The following GULP1 variants were observed in gnomAD, a reference collection of about 807,000 sequenced individuals.
GULP1 encodes the protein GULP PTB domain containing engulfment adaptor 1.
GULP1 carries 19 observed loss-of-function variants against 40.9 expected under a neutral mutation model. That is an observed-to-expected ratio of 0.46 (90% CI 0.32 to 0.68). The LOEUF is 0.68. Among genes scored for constraint, GULP1 ranks in the 30% least tolerant of loss-of-function variants. GULP1 has a pLI of 0.03. For synonymous variants in GULP1, 119 were observed against 117.6 expected, an observed-to-expected ratio of 1.01 and a Z score of -0.08; for missense variants, 312 against 362.2, an observed-to-expected ratio of 0.86 and a Z score of 1.12.
At chr2:188,411,960 T>C (rs1448889813) in intron 2 of GULP1, among the ~76,000 whole-genome samples, 2 of 152,158 alleles carry the variant, frequency 1.3e-5, no homozygotes, top group Non-Finnish European at 2.9e-5. Flanking sequence ...TAGTCTTCTC[T>C]TCCTCTGTGA....
At chr2:188,483,834 A>C (rs895628574) in intron 4 of GULP1, among the ~76,000 whole-genome samples, 1 of 152,324 alleles carries the variant, frequency 6.6e-6, no homozygotes, top group Admixed American at 6.5e-5. Flanking sequence ...ATACAACCTA[A>C]ATATAAAAAC....
chr2:188,314,108 T>G (rs7571494), intron 1 of GULP1, among the ~76,000 whole-genome samples: 23,102 of 151,838 alleles, frequency 0.15, 1,906 homozygotes, highest in African/African-American at 0.18. Flanking sequence ...TCGTTTTTAG[T>G]CATTTTTAGT....
At chr2:188,389,910 T>C (rs1263393409) in intron 2 of GULP1, among the ~76,000 whole-genome samples, 1 of 152,122 alleles carries the variant, frequency 6.6e-6, no homozygotes, top group African/African-American at 2.4e-5. Flanking sequence ...CTTGGAATAA[T>C]GGCCTTGAGC....
chr2:188,476,340 C>T (rs1383096876), intron 2 of GULP1, among the ~76,000 whole-genome samples: 2 of 152,042 alleles, frequency 1.3e-5, no homozygotes, highest in Non-Finnish European at 2.9e-5. Context: ...CTTTTGGTCT[C>T]TCGTGAATTT....
chr2:188,400,923 TTGTG>T (rs61060931), intron 2 of GULP1, among the ~76,000 whole-genome samples: 9,472 of 139,524 alleles, frequency 0.068, 242 homozygotes, highest in Middle Eastern at 0.076. Flanking sequence ...AGTGGTGTGT[TTGTG>T]TGTGTGTGTG....
intron 5 of GULP1, among the ~76,000 whole-genome samples, chr2:188,524,755 A>G (rs186238367): frequency 2.0e-5 from 3 of 151,644 alleles, no homozygotes; most frequent in African/African-American, 7.3e-5. Context: ...AGAAAAAAGA[A>G]CCTTGCTCTT....
chr2:188,479,318 G>A (rs1032226748), intron 3 of GULP1, among the ~76,000 whole-genome samples: 1 of 152,094 alleles, frequency 6.6e-6, no homozygotes, highest in African/African-American at 2.4e-5. Context: ...TAAGGGGAAA[G>A]CAAAATGACA....
chr2:188,305,633 G>A (rs1392176219), intron 1 of GULP1, among the ~76,000 whole-genome samples: 1 of 152,208 alleles, frequency 6.6e-6, no homozygotes, highest in African/African-American at 2.4e-5. Context: ...GCCAGGAAAT[G>A]TGGATGAAAA....
chr2:188,462,673 T>G (rs928462857), intron 2 of GULP1, among the ~76,000 whole-genome samples: 1 of 152,182 alleles, frequency 6.6e-6, no homozygotes, highest in African/African-American at 2.4e-5. Flanking sequence ...TATAGTGAAC[T>G]TCTTTGTCTT....
At chr2:188,491,303 TA>T (rs1366279853) in intron 4 of GULP1, 2 of 152,112 alleles carry the variant, frequency 1.3e-5, no homozygotes, top group East Asian at 3.9e-4. Context: ...TTAATGTTTT[TA>T]TCAATACCAT....
chr2:188,492,596 T>C (rs902382141), intron 4 of GULP1, among the ~76,000 whole-genome samples: 13 of 151,760 alleles, frequency 8.6e-5, no homozygotes, highest in African/African-American at 2.7e-4. Context: ...AAACTGTAAG[T>C]AAGGAAAGTG....
chr2:188,576,353 A>C (rs1700184411), intron 9 of GULP1, among the ~76,000 whole-genome samples: 1 of 152,126 alleles, frequency 6.6e-6, no homozygotes, highest in Non-Finnish European at 1.5e-5. Context: ...GTTCTAGCTA[A>C]AGAAAATAAT....
At chr2:188,562,878 A>G (rs1002689960) in intron 7 of GULP1, among the ~76,000 whole-genome samples, 1 of 152,214 alleles carries the variant, frequency 6.6e-6, no homozygotes, top group Non-Finnish European at 1.5e-5. Flanking sequence ...TTTGGCCCAC[A>G]TATTTAGAGT....
intron 1 of GULP1, among the ~76,000 whole-genome samples, chr2:188,333,158 T>C (rs2041842559): frequency 6.6e-6 from 1 of 151,600 alleles, no homozygotes; most frequent in Non-Finnish European, 1.5e-5. Flanking sequence ...GGTGGGAGCA[T>C]TGCTTGAACC....
chr2:188,503,197 T>C (rs1218739026), intron 4 of GULP1, among the ~76,000 whole-genome samples: 1 of 151,904 alleles, frequency 6.6e-6, no homozygotes, highest in African/African-American at 2.4e-5. Flanking sequence ...TAAAACATTA[T>C]GAGGTTTTTC....
intron 4 of GULP1, among the ~76,000 whole-genome samples, chr2:188,485,494 C>A (rs1461516331): frequency 3.3e-5 from 5 of 151,864 alleles, no homozygotes; most frequent in Admixed American, 3.3e-4. Context: ...GTTTGTGGCA[C>A]TTATTAGGAT....
intron 11 of GULP1, chr2:188,591,184 A>G (rs1400796972): frequency 6.6e-6 from 1 of 152,106 alleles, no homozygotes; most frequent in Non-Finnish European, 1.5e-5. Flanking sequence ...ATATGTAGAC[A>G]TGTTCTGTCT....
At chr2:188,408,852 C>G (rs1444206583) in intron 2 of GULP1, among the ~76,000 whole-genome samples, 3 of 152,096 alleles carry the variant, frequency 2.0e-5, no homozygotes, top group Non-Finnish European at 4.4e-5. Context: ...AACTGGAAAT[C>G]AATCACAGGA....
intron 7 of GULP1, among the ~76,000 whole-genome samples, chr2:188,551,384 A>G (rs998415952): frequency 5.3e-5 from 8 of 151,666 alleles, no homozygotes; most frequent in African/African-American, 1.7e-4. Context: ...CCATGTGATG[A>G]AATACTTTGC....
Sources: allele counts gnomAD v4.1 joint callset (sites outside exome capture counted in the v4.1 genomes callset), GRCh38; gene constraint gnomAD v4.1.1; transcripts MANE v1.5; gene names NCBI Gene and HGNC (gene_info 2026-07-23, HGNC 2026-07-21).